The following ANKAR variants were observed in gnomAD, a reference collection of about 807,000 sequenced individuals.
The protein encoded by ANKAR is ankyrin and armadillo repeat-containing protein.
A neutral mutation model predicts 146.2 loss-of-function variants in ANKAR; 136 were observed. The ratio of observed to expected loss-of-function variants is 0.93; its 90% CI spans 0.81 to 1.07. The LOEUF is 1.07. Among genes scored for constraint, ANKAR ranks in the 50% least tolerant of loss-of-function variants. ANKAR has a pLI of 0.00. For synonymous variants in ANKAR, 500 were observed against 575.8 expected (o/e 0.87, Z 1.88); for missense variants, 1,567 against 1,679.9 (o/e 0.93, Z 1.18).
At chr2:189,749,260 A>AAAAAAAAGAT (rs1553538642), downstream of ANKAR, among the ~76,000 whole-genome samples, 39 of 142,156 alleles carry the variant, frequency 2.7e-4, no homozygotes, top group African/African-American at 1.0e-3. Context: ...AAAAAAAAAA[A>AAAAAAAAGAT]AAAAAAAGAT....
At chr2:189,696,487 G>T in intron 7 of ANKAR, 118 bp downstream of exon 7, 10 of 921,956 alleles carry the variant, frequency 1.1e-5, no homozygotes, top group East Asian at 5.4e-5. Context: ...GCAAAGTTGA[G>T]GTTTTTGTTT....
chr2:189,689,591 T>A lies in ANKAR; in HGVS notation c.666T>A (p.Asp222Glu). The part of the protein sequence containing the change: ...NEIYDEDVNE[D>E]PTYDPNSPEE... ...TCTATGATGAAGACGTGAATGAAGA[T>A]CCAACATATGATCCCAACAGCCCTG... Residue 222 changes from aspartate (D) to glutamate (E), a missense_variant, in exon 3 of 23, where the codon GAT becomes GAA. Coordinates refer to ENST00000684021, the MANE Select transcript of ANKAR (RefSeq NM_001378068.1). 1 of 1,612,984 alleles carries A rather than the reference T, an allele frequency of 6.2e-7. No individual in the cohort carries two copies. Among genetic ancestry groups the A allele is most frequent in the South Asian group, 1.1e-5 (1 of 90,790 alleles).
At chr2:189,689,231 T>A (rs920427) in intron 2 of ANKAR, among the ~76,000 whole-genome samples, 81,522 of 151,906 alleles carry the variant, frequency 0.54, 26,705 homozygotes, top group Non-Finnish European at 0.73. Context: ...GGTCAGTTAT[T>A]GTGTCTAAAC....
rs779283126 is a variant in ANKAR, at chr2:189,738,586, A to G, written c.3604A>G (p.Ile1202Val). ...TCAGATTGTTGTACTGGCTAAAGTC[A>G]TTAGAGATATGGACCATATTACTTT... is the stretch of plus-strand genomic sequence containing the variant. ...AFQIVVLAKV[I>V]RDMDHITLSA... The change falls in exon 19 of 23, where the codon ATT becomes GTT. Residue 1202 changes from isoleucine (I) to valine (V), a missense_variant. Physicochemically the swap from Ile to Val is conservative, Grantham distance 29 (BLOSUM62 3). Coordinates refer to ENST00000684021, the MANE Select transcript of ANKAR (RefSeq NM_001378068.1). The G allele has an allele frequency of 1.9e-6, 3 of 1,608,176 alleles. No individual in the cohort carries two copies. The highest frequency in any genetic ancestry group is 3.4e-5 in the Admixed American group (2 of 59,572).
At chr2:189,725,285 C>CAA (rs2041752258) in intron 12 of ANKAR, among the ~76,000 whole-genome samples, 2 of 28,946 alleles carry the variant, frequency 6.9e-5, no homozygotes, top group Non-Finnish European at 3.0e-4. Flanking sequence ...TTTATACACA[C>CAA]ACACACACAC....
rs941250107 is a variant in ANKAR, at chr2:189,678,090, C to T, written c.601+999C>T. Among the ~76,000 whole-genome samples, 15 of 152,310 alleles carry T rather than the reference C, an allele frequency of 9.8e-5. No individual in the cohort carries two copies. In the East Asian group the frequency reaches 2.5e-3, roughly 25 times the overall value. On this transcript the variant is annotated intron_variant, in intron 2 of 22. Coordinates refer to ENST00000684021, the MANE Select transcript of ANKAR (RefSeq NM_001378068.1). ...GTAAGTATTCCCTTTTCACCACATC[C>T]ATGCCGACATGTATTATTTTTTTAT...
intron 3 of ANKAR, among the ~76,000 whole-genome samples, chr2:189,691,158 C>G (rs954980984): frequency 1.3e-5 from 2 of 152,170 alleles, no homozygotes; most frequent in Non-Finnish European, 2.9e-5. Flanking sequence ...CGGGTTCAAG[C>G]GATTCTCCTG....
At chr2:189,753,038 AT>A (rs2045526882) in intron 18 of ANKAR, 1 of 1,452,612 alleles carries the variant, frequency 6.9e-7, no homozygotes, top group Admixed American at 2.6e-5. Context: ...CAAGCTGCTA[AT>A]TAAACCTGGA....
rs540087139 is a variant in ANKAR at position 189,674,751 on chromosome 2, C to A, written c.-115C>A. ...AGGCCCCGCGAGAAGCCATCTGAGGCGGCGACGACTGTTCTCAGCCCCACG... is the reference window on the plus strand; with the variant it reads ...AGGCCCCGCGAGAAGCCATCTGAGGAGGCGACGACTGTTCTCAGCCCCACG... On this transcript the variant is annotated 5_prime_UTR_variant, in exon 1 of 23. Transcript: ENST00000684021. 63 of 152,436 alleles carry A rather than the reference C, an allele frequency of 4.1e-4. No individual in the cohort carries two copies. Among genetic ancestry groups the A allele is most frequent in the African/African-American group, 1.4e-3 (59 of 41,588 alleles). 9.4% of individuals were successfully genotyped at this position (152,436 alleles called of 1,614,324 possible).
chr2:189,741,459 C>T lies in ANKAR; in HGVS notation c.3810+8C>T, dbSNP rs1393591577. The T allele has an allele frequency of 6.4e-7, 1 of 1,569,264 alleles. No homozygotes were observed. The highest frequency in any genetic ancestry group is 1.9e-5 in the Admixed American group (1 of 53,570). Reference sequence around the variant, plus strand: ...TACTCGGGAATAGAAGAGGTAAAAACAAGCAAAAACTAATTCTAAAATTAA... The same window carrying T: ...TACTCGGGAATAGAAGAGGTAAAAATAAGCAAAAACTAATTCTAAAATTAA... On this transcript the variant is annotated splice_region_variant and intron_variant, in intron 20 of 22. Transcript: ENST00000684021.
At chr2:189,740,363 C>T (rs2043210516) in intron 19 of ANKAR, among the ~76,000 whole-genome samples, 2 of 152,110 alleles carry the variant, frequency 1.3e-5, no homozygotes, top group Non-Finnish European at 2.9e-5. Flanking sequence ...CATTCGGAGG[C>T]AATAAACACA....
chr2:189,718,310 A>ATC (rs2040778600), intron 10 of ANKAR, among the ~76,000 whole-genome samples: 1 of 111,518 alleles, frequency 9.0e-6, no homozygotes, highest in Non-Finnish European at 1.8e-5. Context: ...ATCTATCTAT[A>ATC]TATCTATCTG....
intron 12 of ANKAR, among the ~76,000 whole-genome samples, chr2:189,722,859 CA>C (rs893069400): frequency 6.9e-6 from 1 of 144,558 alleles, no homozygotes; most frequent in African/African-American, 2.6e-5. Flanking sequence ...TCCAGCCTGG[CA>C]ACAGAGAGAG....
At chr2:189,726,199 A>G (rs1035896960) in intron 12 of ANKAR, among the ~76,000 whole-genome samples, 1 of 152,222 alleles carries the variant, frequency 6.6e-6, no homozygotes, top group Admixed American at 6.5e-5. Context: ...GCTCCTTATT[A>G]GTTGCAAGAG....
At chr2:189,737,006 G>A (rs1448741459) in intron 17 of ANKAR, among the ~76,000 whole-genome samples, 1 of 151,368 alleles carries the variant, frequency 6.6e-6, no homozygotes, top group African/African-American at 2.4e-5. Context: ...CCTGGGAGGT[G>A]GAAATTGCAG....
chr2:189,682,133 GA>G (rs2034800192), intron 2 of ANKAR, among the ~76,000 whole-genome samples: 1 of 152,082 alleles, frequency 6.6e-6, no homozygotes, highest in Non-Finnish European at 1.5e-5. Context: ...AATCAAAGAT[GA>G]GCATCAAAAC....
At chr2:189,759,808 G>A (rs965367724) in intron 18 of ANKAR, among the ~76,000 whole-genome samples, 1 of 151,926 alleles carries the variant, frequency 6.6e-6, no homozygotes, top group Admixed American at 6.6e-5. Flanking sequence ...TCTCGGAGAG[G>A]GGGATTTGGC....
At chr2:189,696,420 T>A (rs966894456) in intron 7 of ANKAR, 51 bp downstream of exon 7, 5 of 1,550,928 alleles carry the variant, frequency 3.2e-6, no homozygotes, top group Admixed American at 3.7e-5. Flanking sequence ...TTACCCTTAC[T>A]CAGCATTAGG....
rs1317615770 is a variant in ANKAR, at chr2:189,695,129, AAGCTTGG to A, written c.1457_1463del (p.Lys486IlefsTer6). 1 of 1,607,088 alleles carries A rather than the reference AAGCTTGG, an allele frequency of 6.2e-7. No individual in the cohort carries two copies. ...TCAATTACATGAACAATTTAAGAAA[AAGCTTGG>A]TTTCAAAAGAGCTATGAAATGCAAG... On this transcript the variant is annotated frameshift_variant, in exon 6 of 23. Coordinates refer to ENST00000684021, the MANE Select transcript of ANKAR (RefSeq NM_001378068.1). LOFTEE classifies it high-confidence loss of function.
Sources: gnomAD v4.1 joint callset for allele counts (sites outside exome capture counted in the v4.1 genomes callset) on GRCh38, gnomAD v4.1.1 for gene constraint, MANE v1.5 for transcripts, NCBI Gene and HGNC (gene_info 2026-07-23, HGNC 2026-07-21) for gene names.